SENP6: variants seen among roughly 807,000 people sequenced by gnomAD.
SENP6 encodes sentrin-specific protease 6.
Under a neutral mutation model 134.5 loss-of-function variants are expected in SENP6, and 41 were observed. The observed-to-expected ratio is 0.30, with a 90% CI of 0.24 to 0.40. SENP6 has a LOEUF of 0.40. SENP6 is among the 10% of genes least tolerant of loss of function. The pLI is 1.00. For synonymous variants in SENP6, 395 were observed against 429.8 expected (o/e 0.92, Z 1.00); for missense variants, 1,248 against 1,312.5 (o/e 0.95, Z 0.76).
chr6:75,685,652 A>C (rs1773784668), intron 16 of SENP6, among the ~76,000 whole-genome samples: 1 of 152,046 alleles, frequency 6.6e-6, no homozygotes, highest in Admixed American at 6.6e-5. Flanking sequence ...TCATTTCGTT[A>C]TTTACCCGTC....
intron 5 of SENP6, among the ~76,000 whole-genome samples, chr6:75,638,620 ATATT>A (rs1293700194): frequency 1.2e-4 from 4 of 33,184 alleles, no homozygotes; most frequent in East Asian, 1.1e-3. Context: ...ATATATATAT[ATATT>A]TTTTTTTTTT....
chr6:75,668,728 G>T (rs976694006), intron 10 of SENP6, among the ~76,000 whole-genome samples: 2 of 152,148 alleles, frequency 1.3e-5, no homozygotes, highest in East Asian at 1.9e-4. Flanking sequence ...GTTTGCTATC[G>T]CAAGAGATTG....
intron 3 of SENP6, among the ~76,000 whole-genome samples, chr6:75,624,745 A>G (rs543870788): frequency 1.3e-5 from 2 of 152,262 alleles, no homozygotes; most frequent in South Asian, 2.1e-4. Context: ...TTATTTTTAT[A>G]TTTAGTCTAA....
At chr6:75,626,925 C>T (rs1354475567) in intron 3 of SENP6, among the ~76,000 whole-genome samples, 2 of 151,568 alleles carry the variant, frequency 1.3e-5, no homozygotes, top group Non-Finnish European at 2.9e-5. Flanking sequence ...TTTTTTCCCT[C>T]TGCAACAGCT....
chr6:75,670,352 C>G (rs1772573178), intron 10 of SENP6, among the ~76,000 whole-genome samples: 1 of 152,050 alleles, frequency 6.6e-6, no homozygotes, highest in Non-Finnish European at 1.5e-5. Context: ...AAATAACAAC[C>G]AAAGTATAGC....
At chr6:75,604,945 C>T (rs971132896) in intron 1 of SENP6, among the ~76,000 whole-genome samples, 8 of 152,162 alleles carry the variant, frequency 5.3e-5, no homozygotes, top group East Asian at 1.9e-4. Flanking sequence ...TGGTGGCGCG[C>T]GCCTGTAATC....
chr6:75,650,850 A>G (rs1359241851), intron 7 of SENP6, among the ~76,000 whole-genome samples: 1 of 152,212 alleles, frequency 6.6e-6, no homozygotes, highest in Non-Finnish European at 1.5e-5. Context: ...ATCACTAATT[A>G]CTTGCATAAC....
At chr6:75,674,313 AT>A (rs1275956114) in intron 11 of SENP6, among the ~76,000 whole-genome samples, 1 of 151,668 alleles carries the variant, frequency 6.6e-6, no homozygotes, top group Non-Finnish European at 1.5e-5. Flanking sequence ...CATGCCATCT[AT>A]ACCTAGGTAA....
At chr6:75,708,760 G>A (rs186584819) in intron 19 of SENP6, among the ~76,000 whole-genome samples, 168 of 152,202 alleles carry the variant, frequency 1.1e-3, no homozygotes, top group African/African-American at 3.8e-3. Flanking sequence ...AGGCATGGTG[G>A]TATGTACCTG....
chr6:75,668,285 G>T (rs1233526211), intron 10 of SENP6, among the ~76,000 whole-genome samples: 1 of 152,058 alleles, frequency 6.6e-6, no homozygotes, highest in African/African-American at 2.4e-5. Flanking sequence ...AGCAAAAGTA[G>T]TAAATGAAAA....
chr6:75,703,061 C>T lies in SENP6; in HGVS notation c.2705C>T (p.Thr902Ile). 10 of 1,602,494 alleles carry T rather than the reference C, an allele frequency of 6.2e-6. No individual in the cohort carries two copies. The highest frequency in any genetic ancestry group is 8.5e-6 in the Non-Finnish European group (10 of 1,174,442). Reference sequence around the variant, plus strand: ...CTACAGAATGAAAGTTTAAGTTCCACACATCATACAGGTATGTATCTAAAT... The same window carrying T: ...CTACAGAATGAAAGTTTAAGTTCCATACATCATACAGGTATGTATCTAAAT... ...NGLQNESLSSTHHTDGLSKIR... is the reference protein window; with the variant it reads ...NGLQNESLSSIHHTDGLSKIR... Residue 902 changes from threonine (T) to isoleucine (I), a missense_variant, in exon 19 of 24, where the codon ACA (threonine) becomes ATA (isoleucine). Around this residue, in one of 3 missense-constraint regions of SENP6, gnomAD observed 386 missense variants for 395.0 expected, o/e 0.98. Coordinates refer to ENST00000447266, the MANE Select transcript of SENP6 (RefSeq NM_015571.4).
chr6:75,619,381 A>G (rs977478933), intron 1 of SENP6, among the ~76,000 whole-genome samples: 45 of 152,098 alleles, frequency 3.0e-4, no homozygotes, highest in Middle Eastern at 3.4e-3. Flanking sequence ...TTCAAGGTTC[A>G]TCTGTCTTGT....
At chr6:75,619,473 G>GTA (rs1491062269) in intron 1 of SENP6, among the ~76,000 whole-genome samples, 1 of 137,890 alleles carries the variant, frequency 7.3e-6, no homozygotes, top group Non-Finnish European at 1.6e-5. Flanking sequence ...GTGTGTGTGT[G>GTA]TACATATGTA....
chr6:75,675,783 T>C, intron 12 of SENP6, 77 bp from the exon 13 acceptor site: 1 of 1,254,436 alleles, frequency 8.0e-7, no homozygotes, highest in East Asian at 2.3e-5. Context: ...CTTAAACTTG[T>C]ATTTCCTCAC....
intron 19 of SENP6, among the ~76,000 whole-genome samples, chr6:75,703,895 C>T (rs1179246538): frequency 6.6e-6 from 1 of 152,082 alleles, no homozygotes; most frequent in African/African-American, 2.4e-5. Context: ...TTATATTTTC[C>T]ATTTATTGGA....
chr6:75,697,313 T>A, intron 17 of SENP6, 112 bp from the exon 18 acceptor site: 1 of 710,774 alleles, frequency 1.4e-6, no homozygotes, highest in Non-Finnish European at 2.3e-6. Context: ...CAAACCATTT[T>A]ATGCAACTGT....
intron 23 of SENP6, 53 bp from the exon 24 acceptor site, chr6:75,715,332 A>C: frequency 7.7e-7 from 1 of 1,292,978 alleles, no homozygotes; most frequent in African/African-American, 1.5e-5. Flanking sequence ...CTGTGATTGA[A>C]ATGAAAGGTT....
Position 75,602,043 on chromosome 6 carries a change from C to T in SENP6, c.-482C>T. 6.4e-6 allele frequency: 1 copy of T among 156,900 alleles called. No homozygotes were observed. Among genetic ancestry groups the T allele is most frequent in the South Asian group, 1.9e-4 (1 of 5,328 alleles). The allele number at this position is 156,900 out of a possible 1,614,324, so 9.7% of individuals were successfully genotyped here. ...CGGCGGCTGCAGAACGAGCTAGGGGCCTGGGGGCGCCTGACGGTCGCAGAG... is the reference window on the plus strand; with the variant it reads ...CGGCGGCTGCAGAACGAGCTAGGGGTCTGGGGGCGCCTGACGGTCGCAGAG... On this transcript the variant is annotated 5_prime_UTR_variant, in exon 1 of 24. Transcript: ENST00000447266.
At chr6:75,675,807 C>A in intron 12 of SENP6, 53 bp from the exon 13 acceptor site, 1 of 1,453,924 alleles carries the variant, frequency 6.9e-7, no homozygotes, top group African/African-American at 1.4e-5. Flanking sequence ...TTCCCCCATT[C>A]ATGATATTAC....
Sources: allele counts gnomAD v4.1 joint callset (sites outside exome capture counted in the v4.1 genomes callset), GRCh38; gene constraint gnomAD v4.1.1; regional missense constraint gnomAD v4.1.1; transcripts MANE v1.5; gene names NCBI Gene and HGNC (gene_info 2026-07-23, HGNC 2026-07-21).